The following ST3GAL3 variants were observed in gnomAD, a reference collection of about 807,000 sequenced individuals.
ST3GAL3 encodes ST3 beta-galactoside alpha-2,3-sialyltransferase 3, also known as CMP-N-acetylneuraminate-beta-1,4-galactoside alpha-2,3-sialyltransferase.
Under a neutral mutation model 50.1 loss-of-function variants are expected in ST3GAL3, and 21 were observed. The ratio of observed to expected loss-of-function variants is 0.42; its 90% confidence interval spans 0.30 to 0.60. The LOEUF (loss-of-function observed/expected upper bound fraction) is 0.60, where lower values mean the gene tolerates loss of function less well. Ranked by LOEUF, ST3GAL3 falls within the 20% of genes least tolerant of loss-of-function variation. ST3GAL3 has a pLI of 0.19. For synonymous variants in ST3GAL3, 183 were observed against 190.0 expected (o/e 0.96, Z 0.30); for missense variants, 353 against 489.4 (o/e 0.72, Z 2.63).
intron 2 of ST3GAL3, among the ~76,000 whole-genome samples, chr1:43,761,805 G>A (rs992842199): frequency 2.0e-5 from 3 of 151,564 alleles, no homozygotes; most frequent in African/African-American, 7.3e-5. Flanking sequence ...AAAAAAATTA[G>A]CCGGGCATGG....
chr1:43,814,760 G>A (rs887449386), intron 3 of ST3GAL3, 131 bp from the exon 4 acceptor site: 16 of 877,434 alleles, frequency 1.8e-5, no homozygotes, highest in South Asian at 5.3e-5. Flanking sequence ...ATTTAGTTAC[G>A]TTCTTTGAAG....
intron 9 of ST3GAL3, chr1:43,919,116 C>T (rs1468359188): frequency 4.6e-5 from 5 of 108,978 alleles, no homozygotes; most frequent in Admixed American, 1.4e-4. Flanking sequence ...CTCGCTCTGT[C>T]GCCCAGGCTG....
chr1:43,718,329 A>G (rs1011609373), intron 1 of ST3GAL3, among the ~76,000 whole-genome samples: 5 of 150,706 alleles, frequency 3.3e-5, no homozygotes, highest in African/African-American at 1.2e-4. Context: ...AGCTGGGACT[A>G]TAGGCGCCCG....
intron 4 of ST3GAL3, among the ~76,000 whole-genome samples, chr1:43,825,716 T>C (rs1382954223): frequency 1.3e-5 from 2 of 152,114 alleles, no homozygotes; most frequent in Non-Finnish European, 2.9e-5. Context: ...AGTGACATAA[T>C]CAGTTTTGAC....
chr1:43,751,979 G>A (rs916202959), intron 2 of ST3GAL3, among the ~76,000 whole-genome samples: 14 of 151,890 alleles, frequency 9.2e-5, no homozygotes, highest in South Asian at 2.1e-4. Context: ...TACCACACCC[G>A]ACTAATTTTG....
intron 5 of ST3GAL3, among the ~76,000 whole-genome samples, chr1:43,877,242 AG>A (rs2074283948): frequency 6.6e-6 from 1 of 152,194 alleles, no homozygotes; most frequent in Non-Finnish European, 1.5e-5. Flanking sequence ...GCTAGGACTA[AG>A]GGGGACCTGC....
At position 43,711,349 on chromosome 1, in the gene ST3GAL3, A is replaced by G. The variant is rs145987626; in HGVS notation, c.-31+3656A>G. On this transcript the variant is annotated intron_variant, in intron 1 of 11. Coordinates refer to ENST00000347631, the MANE Select transcript of ST3GAL3 (RefSeq NM_006279.5). Reference sequence around the variant, plus strand: ...TGGTCAAGTGGACACTGGCTTTTCAAGTTTCTGTCCCACTATGGCACATGC... The same window carrying G: ...TGGTCAAGTGGACACTGGCTTTTCAGGTTTCTGTCCCACTATGGCACATGC... Among the ~76,000 whole-genome samples, 743 of 152,384 alleles carry G rather than the reference A, an allele frequency of 4.9e-3. 6 individuals carry two copies. The highest frequency in any genetic ancestry group is 0.017 in the African/African-American group (709 of 41,594).
intron 3 of ST3GAL3, among the ~76,000 whole-genome samples, chr1:43,795,654 C>T (rs2058605266): frequency 6.6e-6 from 1 of 152,126 alleles, no homozygotes; most frequent in African/African-American, 2.4e-5. Flanking sequence ...TGGAATTAAT[C>T]CCTATTTGAC....
chr1:43,784,071 C>T (rs1200438784), intron 2 of ST3GAL3, among the ~76,000 whole-genome samples: 1 of 152,158 alleles, frequency 6.6e-6, no homozygotes, highest in Admixed American at 6.5e-5. Flanking sequence ...AAACCACACA[C>T]CCCTCACTTT....
chr1:43,862,205 G>T (rs988242694), intron 5 of ST3GAL3, among the ~76,000 whole-genome samples: 8 of 152,178 alleles, frequency 5.3e-5, no homozygotes, highest in African/African-American at 1.9e-4. Context: ...CCACATGCAT[G>T]TGCTGTCTGG....
chr1:43,747,098 C>T (rs879760823), intron 2 of ST3GAL3, among the ~76,000 whole-genome samples: 1 of 151,646 alleles, frequency 6.6e-6, no homozygotes, highest in Non-Finnish European at 1.5e-5. Context: ...CATTATCTTA[C>T]CACAATAAAA....
intron 9 of ST3GAL3, chr1:43,912,235 T>C (rs2081063760): frequency 6.6e-6 from 1 of 152,206 alleles, no homozygotes; most frequent in African/African-American, 2.4e-5. Flanking sequence ...AAGAGCTGAC[T>C]TTGTGCCAAA....
At chr1:43,900,397 T>C (rs942055429) in intron 9 of ST3GAL3, among the ~76,000 whole-genome samples, 5 of 152,222 alleles carry the variant, frequency 3.3e-5, no homozygotes, top group African/African-American at 1.2e-4. Flanking sequence ...CCCATTTCTT[T>C]AGGGAGCTTA....
At chr1:43,721,033 G>A (rs1410587930) in intron 1 of ST3GAL3, among the ~76,000 whole-genome samples, 1 of 152,018 alleles carries the variant, frequency 6.6e-6, no homozygotes, top group African/African-American at 2.4e-5. Flanking sequence ...ATTGCTTGAG[G>A]CCAGGAGTTC....
At chr1:43,850,516 G>A in intron 5 of ST3GAL3, 1 of 658,852 alleles carries the variant, frequency 1.5e-6, no homozygotes, top group Non-Finnish European at 2.9e-6. Flanking sequence ...AAAAGTCCAA[G>A]AGATGTCAGT....
chr1:43,784,464 G>T (rs1012705443), intron 2 of ST3GAL3, among the ~76,000 whole-genome samples: 2 of 152,044 alleles, frequency 1.3e-5, no homozygotes. Flanking sequence ...AGCCGAGATC[G>T]CACCACTGTA....
intron 5 of ST3GAL3, among the ~76,000 whole-genome samples, chr1:43,869,157 G>C (rs1203369155): frequency 2.6e-5 from 4 of 152,170 alleles, no homozygotes; most frequent in Non-Finnish European, 2.9e-5. Context: ...ACTTCCAATA[G>C]CTGGAAGTCC....
At chr1:43,836,925 A>G (rs2064434755) in intron 4 of ST3GAL3, among the ~76,000 whole-genome samples, 1 of 152,194 alleles carries the variant, frequency 6.6e-6, no homozygotes, top group Admixed American at 6.5e-5. Flanking sequence ...GGCCAGGATT[A>G]GAACACAAGT....
intron 2 of ST3GAL3, among the ~76,000 whole-genome samples, chr1:43,773,942 A>T (rs1696251315): frequency 6.6e-6 from 1 of 152,172 alleles, no homozygotes; most frequent in South Asian, 2.1e-4. Flanking sequence ...CCTGAATTTG[A>T]TCATTTAAAA....
Sources: allele counts gnomAD v4.1 joint callset (sites outside exome capture counted in the v4.1 genomes callset), GRCh38; gene constraint gnomAD v4.1.1; transcripts MANE v1.5; gene names NCBI Gene and HGNC (gene_info 2026-07-23, HGNC 2026-07-21).